The following SCUBE1 variants were observed in gnomAD, a reference collection of about 807,000 sequenced individuals.
The protein encoded by SCUBE1 is signal peptide, CUB domain and EGF like domain containing 1, also known as signal peptide, CUB and EGF-like domain-containing protein 1.
In SCUBE1, 59 loss-of-function variants were observed where a neutral mutation model predicts 124.4. The observed-to-expected ratio is 0.47, with a 90% CI of 0.38 to 0.59. The LOEUF (loss-of-function observed/expected upper bound fraction) is 0.59. Among genes scored for constraint, SCUBE1 ranks in the 20% least tolerant of loss-of-function variants. The pLI is 0.00. For missense variants in SCUBE1, 1,150 were observed against 1,371.2 expected (o/e 0.84, Z 2.55); for synonymous variants, 545 against 550.9 (o/e 0.99, Z 0.15).
At chr22:43,250,301 A>G (rs1875620832) in intron 6 of SCUBE1, among the ~76,000 whole-genome samples, 1 of 152,204 alleles carries the variant, frequency 6.6e-6, no homozygotes, top group South Asian at 2.1e-4. Flanking sequence ...CAAGGGAGTC[A>G]CAGATGCTGC....
intron 3 of SCUBE1, among the ~76,000 whole-genome samples, chr22:43,306,243 G>T (rs141940670): frequency 6.6e-6 from 1 of 152,322 alleles, no homozygotes. Flanking sequence ...GTCTGGTTTG[G>T]GGGCATATGT....
At chr22:43,214,046 C>CGGGGGGGGG in intron 16 of SCUBE1, 44 bp downstream of exon 16, 7 of 422,700 alleles carry the variant, frequency 1.7e-5, no homozygotes, top group Non-Finnish European at 2.5e-5. Context: ...GAGGAGCCCC[C>CGGGGGGGGG]GCCCACCCCC....
chr22:43,339,963 A>AC (rs1325287386), intron 1 of SCUBE1, among the ~76,000 whole-genome samples: 2 of 16,324 alleles, frequency 1.2e-4, no homozygotes, highest in African/African-American at 5.2e-4. Flanking sequence ...TCCTCATTCT[A>AC]CCCCCCCCAA....
rs1922180100 is a variant in SCUBE1 at position 43,223,367 on chromosome 22, A to G, written c.1208-151T>C. 4 of 822,882 alleles carry G rather than the reference A, an allele frequency of 4.9e-6. No homozygotes were observed. In the South Asian group the frequency reaches 6.3e-5, roughly 13 times the overall value. 51.0% of individuals were successfully genotyped at this position (822,882 alleles called of 1,614,324 possible). ...TGGTGGGAAGGCGCCTGGAGATCGC[A>G]GGTCCCTTGGGCGTGTGGGGATGCT... is the stretch of plus-strand genomic sequence containing the variant. On this transcript the variant is annotated intron_variant, in intron 10 of 21. Transcript: ENST00000360835.
At chr22:43,320,713 T>C (rs1282528952) in intron 2 of SCUBE1, among the ~76,000 whole-genome samples, 2 of 152,174 alleles carry the variant, frequency 1.3e-5, no homozygotes, top group African/African-American at 4.8e-5. Context: ...ACCTCTTCAA[T>C]CCCACATTAA....
intron 4 of SCUBE1, among the ~76,000 whole-genome samples, chr22:43,288,866 G>A (rs1374323203): frequency 1.3e-5 from 2 of 152,224 alleles, no homozygotes; most frequent in Non-Finnish European, 2.9e-5. Flanking sequence ...CAGAGTAAGC[G>A]TGTGGCCCCA....
At chr22:43,216,854 C>CT (rs141434488) in intron 15 of SCUBE1, among the ~76,000 whole-genome samples, 7,807 of 129,106 alleles carry the variant, frequency 0.06, 595 homozygotes, top group East Asian at 0.38. Context: ...TTATCAACAA[C>CT]TTCCCCCCAC....
At chr22:43,240,734 C>T (rs1255056643) in intron 6 of SCUBE1, among the ~76,000 whole-genome samples, 1 of 152,206 alleles carries the variant, frequency 6.6e-6, no homozygotes, top group Non-Finnish European at 1.5e-5. Flanking sequence ...GGGCTGACAA[C>T]CAGAGAGGGA....
At chr22:43,218,736 C>T (rs369596149) in intron 14 of SCUBE1, among the ~76,000 whole-genome samples, 12 of 151,684 alleles carry the variant, frequency 7.9e-5, no homozygotes, top group East Asian at 5.8e-4. Context: ...GTACGACTCA[C>T]GGGGCAAGAA....
At chr22:43,212,638 G>A (rs1054386325) in intron 16 of SCUBE1, 46 bp from the exon 17 acceptor site, 3 of 1,536,794 alleles carry the variant, frequency 2.0e-6, no homozygotes, top group Admixed American at 2.1e-5. Flanking sequence ...GGGCACCGCA[G>A]GGCCGAGGCT....
At chr22:43,325,873 A>G (rs1267263420) in intron 2 of SCUBE1, among the ~76,000 whole-genome samples, 1 of 151,174 alleles carries the variant, frequency 6.6e-6, no homozygotes, top group African/African-American at 2.4e-5. Flanking sequence ...CGCACACACA[A>G]CCCCATGGCT....
chr22:43,312,863 G>A (rs1410929802), intron 3 of SCUBE1, among the ~76,000 whole-genome samples: 1 of 152,132 alleles, frequency 6.6e-6, no homozygotes, highest in Non-Finnish European at 1.5e-5. Flanking sequence ...CTACGACAAG[G>A]AGGCCCTGGC....
At chr22:43,210,000 A>G in intron 19 of SCUBE1, 43 bp downstream of exon 19, 1 of 1,543,988 alleles carries the variant, frequency 6.5e-7, no homozygotes, top group Non-Finnish European at 8.8e-7. Context: ...GGGGGTGCAC[A>G]CGCAGCTGAG....
Position 43,236,473 on chromosome 22 carries a change from AC to A in SCUBE1, c.844+2364del, listed in dbSNP as rs530764521. Among the ~76,000 whole-genome samples, 6 of 152,230 alleles carry A rather than the reference AC, an allele frequency of 3.9e-5. No homozygotes were observed. The South Asian group carries it at 1.2e-3, about 32-fold the overall frequency. On this transcript the variant is annotated intron_variant, in intron 7 of 21. Coordinates refer to ENST00000360835, the MANE Select transcript of SCUBE1 (RefSeq NM_173050.5). ...TGTTGGTCTTCCAGACCCTACTGTG[AC>A]CCCACTGTGGCCAGTGTCAGTTCAA...
At chr22:43,304,608 G>T (rs771093355) in intron 3 of SCUBE1, among the ~76,000 whole-genome samples, 4 of 152,212 alleles carry the variant, frequency 2.6e-5, no homozygotes, top group Non-Finnish European at 5.9e-5. Flanking sequence ...GTGTCTGTGT[G>T]TGTGTGTAAT....
chr22:43,331,157 T>C (rs1360458682), intron 2 of SCUBE1, among the ~76,000 whole-genome samples: 3 of 152,246 alleles, frequency 2.0e-5, no homozygotes, highest in Admixed American at 2.0e-4. Context: ...ACTAGGAATT[T>C]TGTTAAAACA....
At chr22:43,229,954 A>T (rs1357901467) in intron 8 of SCUBE1, among the ~76,000 whole-genome samples, 2 of 152,242 alleles carry the variant, frequency 1.3e-5, no homozygotes, top group African/African-American at 4.8e-5. Flanking sequence ...CCTTGGGCAT[A>T]GCAGTTAAGA....
chr22:43,217,360 C>G (rs1921876293), intron 15 of SCUBE1, among the ~76,000 whole-genome samples: 1 of 151,494 alleles, frequency 6.6e-6, no homozygotes, highest in African/African-American at 2.4e-5. Flanking sequence ...TCCCTCCCCC[C>G]AGCCCACTCT....
intron 2 of SCUBE1, among the ~76,000 whole-genome samples, chr22:43,337,912 G>C (rs969674616): frequency 6.6e-6 from 1 of 152,250 alleles, no homozygotes; most frequent in African/African-American, 2.4e-5. Flanking sequence ...CTAGCTGCCA[G>C]AGTTGTTGAG....
Sources: gnomAD v4.1 joint callset for allele counts (sites outside exome capture counted in the v4.1 genomes callset) on GRCh38, gnomAD v4.1.1 for gene constraint, MANE v1.5 for transcripts, NCBI Gene and HGNC (gene_info 2026-07-23, HGNC 2026-07-21) for gene names.